PINX1: variants seen among roughly 807,000 people sequenced by gnomAD.
The protein encoded by PINX1 is PIN2 (TERF1) interacting telomerase inhibitor 1.
PINX1 carries 34 observed loss-of-function variants against 25.4 expected under a neutral mutation model. The ratio of observed to expected loss-of-function variants is 1.34; its 90% confidence interval spans 1.02 to 1.78. The LOEUF (loss-of-function observed/expected upper bound fraction) is 1.78. Among genes scored for constraint, PINX1 ranks in the 40% most tolerant of loss-of-function variants. The pLI, the probability that PINX1 is intolerant of heterozygous loss-of-function variation, is 0.00. For synonymous variants in PINX1, 197 were observed against 147.7 expected (o/e 1.33, Z -2.42); for missense variants, 592 against 404.9 (o/e 1.46, Z -3.97).
At chr8:10,822,117 G>T (rs1333980394) in intron 5 of PINX1, 1 of 152,160 alleles carries the variant, frequency 6.6e-6, no homozygotes, top group East Asian at 1.9e-4. Context: ...CCTTGCTCTG[G>T]ATTTGATCTG....
intron 6 of PINX1, among the ~76,000 whole-genome samples, chr8:10,814,274 A>C (rs567945021): frequency 5.1e-4 from 78 of 152,314 alleles, no homozygotes; most frequent in African/African-American, 1.8e-3. Context: ...GTTTATGAGA[A>C]GTTTTCTGAG....
intron 6 of PINX1, among the ~76,000 whole-genome samples, chr8:10,803,217 G>A (rs1802325514): frequency 6.6e-6 from 1 of 152,148 alleles, no homozygotes; most frequent in South Asian, 2.1e-4. Flanking sequence ...ATTTTAAGGT[G>A]AATCCCAGAC....
intron 6 of PINX1, among the ~76,000 whole-genome samples, chr8:10,802,643 G>A (rs1358085555): frequency 6.6e-6 from 1 of 152,192 alleles, no homozygotes; most frequent in Non-Finnish European, 1.5e-5. Context: ...GGAGTACACA[G>A]AGGGCAGGGG....
intron 3 of PINX1, 109 bp downstream of exon 3, chr8:10,832,783 A>T (rs539578866): frequency 1.7e-6 from 1 of 603,282 alleles, no homozygotes; most frequent in African/African-American, 1.9e-5. Context: ...CGTGAATAAA[A>T]AGAAGTGCTG....
chr8:10,839,772 A>G lies in PINX1; in HGVS notation c.-16T>C. The G allele has an allele frequency of 6.2e-7, 1 of 1,601,274 alleles. No individual in the cohort carries two copies. Among genetic ancestry groups the G allele is most frequent in the Admixed American group, 1.7e-5 (1 of 58,796 alleles). The stretch of plus-strand genomic sequence containing the variant: ...GCATAGACATGTCGGAGAGCCTGTG[A>G]TACCGCCGCCTCTGGACCTGGGTGA... On this transcript the variant is annotated 5_prime_UTR_variant, in exon 1 of 7. Coordinates refer to ENST00000314787, the MANE Select transcript of PINX1 (RefSeq NM_017884.6).
chr8:10,820,353 GGAA>G, intron 5 of PINX1, 84 bp from the exon 6 acceptor site: 1 of 913,672 alleles, frequency 1.1e-6, no homozygotes, highest in South Asian at 1.4e-5. Context: ...GCACCTCAAA[GGAA>G]AATGGCTTTT....
chr8:10,839,565 G>T, intron 1 of PINX1, 173 bp downstream of exon 1: 1 of 645,862 alleles, frequency 1.5e-6, no homozygotes, highest in Non-Finnish European at 2.7e-6. Flanking sequence ...GCCAACTTTC[G>T]GGGAGCTCTG....
At chr8:10,794,857 G>C (rs1802038508) in intron 6 of PINX1, among the ~76,000 whole-genome samples, 1 of 152,138 alleles carries the variant, frequency 6.6e-6, no homozygotes, top group Non-Finnish European at 1.5e-5. Context: ...TATAACAAGT[G>C]CTCTGAATTC....
chr8:10,778,019 C>T (rs1293949484), intron 6 of PINX1, among the ~76,000 whole-genome samples: 2 of 152,202 alleles, frequency 1.3e-5, no homozygotes, highest in Non-Finnish European at 2.9e-5. Context: ...TGGGACACTC[C>T]TCCAAATACA....
intron 1 of PINX1, among the ~76,000 whole-genome samples, chr8:10,836,655 G>T (rs1563242512): frequency 6.7e-6 from 1 of 149,292 alleles, no homozygotes; most frequent in African/African-American, 2.5e-5. Context: ...TCAATCAATG[G>T]GATCACACCA....
At chr8:10,791,880 T>C (rs543495458) in intron 6 of PINX1, among the ~76,000 whole-genome samples, 1 of 152,294 alleles carries the variant, frequency 6.6e-6, no homozygotes, top group East Asian at 1.9e-4. Flanking sequence ...CCTGCCCTCT[T>C]CCAGGTTGAC....
At chr8:10,780,555 C>A (rs1207311128) in intron 6 of PINX1, among the ~76,000 whole-genome samples, 5 of 151,312 alleles carry the variant, frequency 3.3e-5, no homozygotes, top group African/African-American at 9.7e-5. Flanking sequence ...GGATAAATCC[C>A]AAACAAATGA....
At chr8:10,778,405 G>T (rs918543980) in intron 6 of PINX1, among the ~76,000 whole-genome samples, 1 of 152,120 alleles carries the variant, frequency 6.6e-6, no homozygotes, top group Non-Finnish European at 1.5e-5. Context: ...GTCCTGTAAA[G>T]TTCTCTCATA....
chr8:10,788,325 G>A (rs544466899), intron 6 of PINX1, among the ~76,000 whole-genome samples: 1 of 152,178 alleles, frequency 6.6e-6, no homozygotes, highest in Non-Finnish European at 1.5e-5. Flanking sequence ...ACTCTGGGAG[G>A]CCAAGGCAGG....
chr8:10,829,222 G>A (rs943436734), intron 4 of PINX1, among the ~76,000 whole-genome samples: 8 of 149,018 alleles, frequency 5.4e-5, no homozygotes, highest in African/African-American at 2.0e-4. Context: ...GGAGGCGGAG[G>A]TTGCGGTAAG....
chr8:10,793,763 C>T (rs532959669), intron 6 of PINX1, among the ~76,000 whole-genome samples: 10 of 152,044 alleles, frequency 6.6e-5, no homozygotes, highest in Non-Finnish European at 1.3e-4. Context: ...ACCATTTTGC[C>T]TCAGGGATCT....
chr8:10,786,355 A>C (rs562260403), intron 6 of PINX1, among the ~76,000 whole-genome samples: 1 of 152,156 alleles, frequency 6.6e-6, no homozygotes, highest in African/African-American at 2.4e-5. Context: ...TACAACACCA[A>C]GTAGCGTGGC....
At chr8:10,835,123 A>G (rs558682077) in intron 1 of PINX1, among the ~76,000 whole-genome samples, 2 of 152,358 alleles carry the variant, frequency 1.3e-5, no homozygotes, top group Non-Finnish European at 2.9e-5. Flanking sequence ...CCTCATCACC[A>G]TCAGCAGTAG....
chr8:10,804,048 C>T (rs1001259724), intron 6 of PINX1, among the ~76,000 whole-genome samples: 11 of 152,314 alleles, frequency 7.2e-5, no homozygotes, highest in South Asian at 2.1e-4. Context: ...CAACTACTAA[C>T]GACCCTGAGC....
Sources: gnomAD v4.1 joint callset for allele counts (sites outside exome capture counted in the v4.1 genomes callset) on GRCh38, gnomAD v4.1.1 for gene constraint, MANE v1.5 for transcripts, NCBI Gene and HGNC (gene_info 2026-07-23, HGNC 2026-07-21) for gene names.